Variants in KCNK10 observed in about 807,000 individuals in gnomAD.
KCNK10 encodes potassium two pore domain channel subfamily K member 10.
Under a neutral mutation model 47.7 loss-of-function variants are expected in KCNK10, and 25 were observed. That is an observed-to-expected ratio of 0.52 (90% CI 0.38 to 0.73). The LOEUF (loss-of-function observed/expected upper bound fraction) is 0.73, where lower values mean the gene tolerates loss of function less well. KCNK10 is among the 30% of genes least tolerant of loss of function. The pLI is 0.00. For missense variants in KCNK10, 563 were observed against 714.5 expected, an observed-to-expected ratio of 0.79 and a Z score of 2.42; for synonymous variants, 303 against 285.6, an observed-to-expected ratio of 1.06 and a Z score of -0.61.
In KCNK10 at chr14:88,180,844, C is replaced by G; in HGVS notation, c.*4691G>C. The G allele has an allele frequency of 2.5e-6, 1 of 398,720 alleles. No individual in the cohort carries two copies. The highest frequency in any genetic ancestry group is 4.4e-6 in the Non-Finnish European group (1 of 226,044). The allele number at this position is 398,720 out of a possible 1,614,324, so 24.7% of individuals were successfully genotyped here. A position where few individuals can be genotyped will look rare whatever the true frequency, so the allele number is the denominator to read the frequency against. ...GCTTTGCTTACAGCCATGTAATTAGCATGCTGTTCCAAAGTTTCCCTATGC... is the reference window on the plus strand; with the variant it reads ...GCTTTGCTTACAGCCATGTAATTAGGATGCTGTTCCAAAGTTTCCCTATGC... On this transcript the variant is annotated 3_prime_UTR_variant, in exon 7 of 7. Transcript: ENST00000319231.
At chr14:88,274,550 A>AG (rs1887485003) in intron 1 of KCNK10, among the ~76,000 whole-genome samples, 1 of 47,652 alleles carries the variant, frequency 2.1e-5, no homozygotes, top group South Asian at 6.5e-4. Flanking sequence ...GACTCTATCT[A>AG]AAAAAAAAAA....
chr14:88,292,100 C>A (rs1887891815), intron 1 of KCNK10, among the ~76,000 whole-genome samples: 1 of 152,196 alleles, frequency 6.6e-6, no homozygotes, highest in Admixed American at 6.5e-5. Context: ...AAGACAGAGA[C>A]TATTTCATGA....
At chr14:88,306,486 G>C (rs1595131476) in intron 1 of KCNK10, among the ~76,000 whole-genome samples, 2 of 152,180 alleles carry the variant, frequency 1.3e-5, no homozygotes, top group Non-Finnish European at 2.9e-5. Context: ...GGGAAGATTT[G>C]TACTTCATAG....
At chr14:88,207,608 A>T (rs373288044) in intron 4 of KCNK10, among the ~76,000 whole-genome samples, 1 of 152,206 alleles carries the variant, frequency 6.6e-6, no homozygotes, top group East Asian at 1.9e-4. Flanking sequence ...ACTGGGACCT[A>T]GTCCAGCTTC....
chr14:88,217,051 G>A (rs995820598), intron 4 of KCNK10, among the ~76,000 whole-genome samples: 2 of 152,220 alleles, frequency 1.3e-5, no homozygotes, highest in African/African-American at 2.4e-5. Flanking sequence ...CAGCTACTCA[G>A]GAGGCTGAGG....
chr14:88,214,787 C>T (rs1885567932), intron 4 of KCNK10, among the ~76,000 whole-genome samples: 1 of 152,190 alleles, frequency 6.6e-6, no homozygotes, highest in African/African-American at 2.4e-5. Flanking sequence ...AGTCAGAAAA[C>T]TAAAATCCTT....
intron 1 of KCNK10, among the ~76,000 whole-genome samples, chr14:88,283,790 T>TGGTAGGTACCAGGCATG (rs1887704536): frequency 6.6e-6 from 1 of 151,958 alleles, no homozygotes; most frequent in African/African-American, 2.4e-5. Flanking sequence ...GGTGGGCACC[T>TGGTAGGTACCAGGCATG]GTAGTCCCAG....
intron 4 of KCNK10, among the ~76,000 whole-genome samples, chr14:88,221,362 A>G (rs189117580): frequency 2.0e-3 from 310 of 151,646 alleles, no homozygotes; most frequent in Admixed American, 4.1e-3. Context: ...CTCAACAATA[A>G]AGAAACAAAT....
intron 1 of KCNK10, among the ~76,000 whole-genome samples, chr14:88,275,554 A>G (rs1181629289): frequency 6.6e-6 from 1 of 152,056 alleles, no homozygotes; most frequent in East Asian, 1.9e-4. Context: ...TGGGTGATAC[A>G]AACTCCTAGG....
At chr14:88,251,442 A>T (rs181991002) in intron 2 of KCNK10, among the ~76,000 whole-genome samples, 1 of 152,016 alleles carries the variant, frequency 6.6e-6, no homozygotes, top group Non-Finnish European at 1.5e-5. Flanking sequence ...ATGGGGGGCA[A>T]ATGGTGCCAA....
At chr14:88,197,555 C>A in intron 4 of KCNK10, among the ~76,000 whole-genome samples, 2 of 93,622 alleles carry the variant, frequency 2.1e-5, no homozygotes, top group African/African-American at 8.5e-5. Context: ...GCCTGGGCAA[C>A]AGAGAGAGAC....
At chr14:88,286,685 C>T (rs1346339504) in intron 1 of KCNK10, among the ~76,000 whole-genome samples, 5 of 152,186 alleles carry the variant, frequency 3.3e-5, no homozygotes, top group African/African-American at 1.2e-4. Context: ...GCACGTCTTT[C>T]TTGGCAGCAG....
At chr14:88,211,894 C>CA (rs59401189) in intron 4 of KCNK10, among the ~76,000 whole-genome samples, 23,793 of 113,142 alleles carry the variant, frequency 0.21, 2,359 homozygotes, top group East Asian at 0.36. Context: ...GACTTCATCT[C>CA]AAAAAAAAAA....
chr14:88,234,565 C>G (rs1179669378), intron 3 of KCNK10, among the ~76,000 whole-genome samples: 1 of 152,200 alleles, frequency 6.6e-6, no homozygotes, highest in East Asian at 1.9e-4. Flanking sequence ...GAAAGAACCT[C>G]TCAAAAGGCA....
chr14:88,279,123 T>G (rs1887590025), intron 1 of KCNK10, among the ~76,000 whole-genome samples: 1 of 152,212 alleles, frequency 6.6e-6, no homozygotes, highest in Non-Finnish European at 1.5e-5. Flanking sequence ...TTCCATTCAG[T>G]TATCAACAGC....
chr14:88,222,376 T>C (rs1044081638), intron 4 of KCNK10, among the ~76,000 whole-genome samples: 6 of 152,112 alleles, frequency 3.9e-5, no homozygotes, highest in Non-Finnish European at 7.3e-5. Context: ...ACATGAGTCA[T>C]TGTCAAAGGT....
At chr14:88,216,852 C>T (rs558371881) in intron 4 of KCNK10, among the ~76,000 whole-genome samples, 1 of 152,294 alleles carries the variant, frequency 6.6e-6, no homozygotes, top group East Asian at 1.9e-4. Flanking sequence ...CCAGGGCCTT[C>T]TCTCTGATAA....
intron 1 of KCNK10, among the ~76,000 whole-genome samples, chr14:88,307,312 C>T (rs993302590): frequency 5.6e-5 from 8 of 141,840 alleles, no homozygotes; most frequent in East Asian, 2.1e-4. Context: ...CATTATGTTA[C>T]GTGAAAGAAG....
chr14:88,262,012 C>T (rs937322305), intron 2 of KCNK10, among the ~76,000 whole-genome samples: 1 of 152,162 alleles, frequency 6.6e-6, no homozygotes, highest in African/African-American at 2.4e-5. Context: ...TCATAAGCAG[C>T]ATCAGAATTC....
Sources: allele counts gnomAD v4.1 joint callset (sites outside exome capture counted in the v4.1 genomes callset), GRCh38; gene constraint gnomAD v4.1.1; transcripts MANE v1.5; gene names NCBI Gene and HGNC (gene_info 2026-07-23, HGNC 2026-07-21).